Variants in ZSWIM7 observed in about 807,000 individuals in gnomAD.
ZSWIM7 encodes the protein zinc finger SWIM-type containing 7, also known as zinc finger SWIM domain-containing protein 7.
In ZSWIM7, 22 loss-of-function variants were observed where a neutral mutation model predicts 21.1. That is an observed-to-expected ratio of 1.04 (90% CI 0.74 to 1.49). ZSWIM7 has a LOEUF of 1.49. Ranked by LOEUF, ZSWIM7 falls within the 40% of genes most tolerant of loss-of-function variation. The pLI, the probability that ZSWIM7 is intolerant of heterozygous loss-of-function variation, is 0.00. For synonymous variants in ZSWIM7, 67 were observed against 66.5 expected, an observed-to-expected ratio of 1.01 and a Z score of -0.04; for missense variants, 193 against 168.0, an observed-to-expected ratio of 1.15 and a Z score of -0.82.
rs920320464 is a variant in ZSWIM7, at chr17:15,999,618, C to A, written c.-24G>T. The A allele has an allele frequency of 4.5e-6, 7 of 1,566,974 alleles. No homozygotes were observed. The highest frequency in any genetic ancestry group is 5.2e-6 in the Non-Finnish European group (6 of 1,157,512). Reference sequence around the variant, plus strand: ...ATCGCGCCGCAGGACACGCCCTCCACGACCGGCGGACCGCCGCGACGCTCC... The same window carrying A: ...ATCGCGCCGCAGGACACGCCCTCCAAGACCGGCGGACCGCCGCGACGCTCC... On this transcript the variant is annotated 5_prime_UTR_variant, in exon 1 of 5. Coordinates refer to ENST00000399277, the MANE Select transcript of ZSWIM7 (RefSeq NM_001042697.2).
At chr17:15,984,337 C>T (rs1312113037) in intron 3 of ZSWIM7, among the ~76,000 whole-genome samples, 1 of 152,222 alleles carries the variant, frequency 6.6e-6, no homozygotes, top group Non-Finnish European at 1.5e-5. Flanking sequence ...CTTCACCCTT[C>T]AGTGAAAAAA....
intron 3 of ZSWIM7, chr17:15,986,912 G>T (rs1970419006): frequency 1.3e-5 from 2 of 155,148 alleles, no homozygotes. Context: ...CCAAGAAAAA[G>T]ACTGAAGTAC....
Position 15,993,748 on chromosome 17 carries a change from T to C in ZSWIM7, c.98+9A>G. The C allele has an allele frequency of 6.7e-7, 1 of 1,485,808 alleles. No homozygotes were observed. The highest frequency in any genetic ancestry group is 1.1e-5 in the South Asian group (1 of 87,368). The allele number at this position is 1,485,808 out of a possible 1,614,324, so 92.0% of individuals were successfully genotyped here. ...AAAAAAAATCAAATACAACAGTATATGTACTTACGATAACAGATATTCATC... is the reference window on the plus strand; with the variant it reads ...AAAAAAAATCAAATACAACAGTATACGTACTTACGATAACAGATATTCATC... On this transcript the variant is annotated intron_variant, in intron 2 of 4. Coordinates refer to ENST00000399277, the MANE Select transcript of ZSWIM7 (RefSeq NM_001042697.2).
In ZSWIM7 at chr17:15,987,293, T is replaced by C. The variant is rs1483163016; in HGVS notation, c.174A>G (p.Ser58=). Residue 58 remains serine (S), a synonymous_variant, in exon 3 of 5, where the codon TCA becomes TCG. Coordinates refer to ENST00000399277, the MANE Select transcript of ZSWIM7 (RefSeq NM_001042697.2). ...GGTAAACACGCCTTCCACTGGGTGA[T>C]GAGATTAAGGTGATGGACTGTCGAT... ...LVDRQSITLI[S]SPSGRRVYQV... is the part of the protein sequence containing the mutation. The C allele has an allele frequency of 3.9e-6, 6 of 1,530,440 alleles. No homozygotes were observed. Among genetic ancestry groups the C allele is most frequent in the Admixed American group, 1.7e-5 (1 of 58,580 alleles). The allele number at this position is 1,530,440 out of a possible 1,614,324, so 94.8% of individuals were successfully genotyped here.
chr17:15,994,739 T>A (rs180675838), intron 1 of ZSWIM7, among the ~76,000 whole-genome samples: 4 of 152,234 alleles, frequency 2.6e-5, no homozygotes, highest in Admixed American at 2.6e-4. Context: ...ACACAAGCAA[T>A]CAGGCCTTCA....
At chr17:15,994,332 T>C (rs111607136) in intron 1 of ZSWIM7, among the ~76,000 whole-genome samples, 2 of 152,126 alleles carry the variant, frequency 1.3e-5, no homozygotes, top group African/African-American at 4.8e-5. Flanking sequence ...TGGAAGCTGA[T>C]AGAAGAGTGG....
At chr17:15,996,521 G>A (rs1189170217) in intron 1 of ZSWIM7, among the ~76,000 whole-genome samples, 5 of 151,910 alleles carry the variant, frequency 3.3e-5, no homozygotes, top group Non-Finnish European at 7.4e-5. Flanking sequence ...GTGTGATTGC[G>A]CAACTGTACT....
At chr17:15,996,765 C>T (rs1970560120) in intron 1 of ZSWIM7, among the ~76,000 whole-genome samples, 1 of 151,708 alleles carries the variant, frequency 6.6e-6, no homozygotes, top group African/African-American at 2.4e-5. Flanking sequence ...ACAAGAGGAT[C>T]TCTTGAGCCT....
At position 15,977,262 on chromosome 17, in the gene ZSWIM7, A is replaced by ACATCT. The variant is rs1474322317; in HGVS notation, c.*780_*784dup. 1.3e-5 allele frequency: 2 copies of ACATCT among 152,202 alleles called. No homozygotes were observed. The highest frequency in any genetic ancestry group is 4.8e-5 in the African/African-American group (2 of 41,444). The allele number at this position is 152,202 out of a possible 1,614,324, so 9.4% of individuals were successfully genotyped here. ...TTTTCATACCTGCTACTGTTTAGCC[A>ACATCT]CATCTCTGCTCTGATCTTCTGTTGC... On this transcript the variant is annotated 3_prime_UTR_variant, in exon 5 of 5. Transcript: ENST00000399277.
rs188568163 is a variant in ZSWIM7, at chr17:15,977,607, G to A, written c.*440C>T. 2 of 152,950 alleles carry A rather than the reference G, an allele frequency of 1.3e-5. No individual in the cohort carries two copies. Among genetic ancestry groups the A allele is most frequent in the Admixed American group, 1.3e-4 (2 of 15,430 alleles). The allele number at this position is 152,950 out of a possible 1,614,324, so 9.5% of individuals were successfully genotyped here. On this transcript the variant is annotated 3_prime_UTR_variant, in exon 5 of 5. Coordinates refer to ENST00000399277, the MANE Select transcript of ZSWIM7 (RefSeq NM_001042697.2). ...TAGTCCCAGCTACTCGGGAGGCTGA[G>A]GCAGGAGAATGGCGTGAACCCGGGA...
chr17:15,978,602 T>A (rs1254969776), intron 4 of ZSWIM7, among the ~76,000 whole-genome samples: 1 of 151,980 alleles, frequency 6.6e-6, no homozygotes, highest in African/African-American at 2.4e-5. Flanking sequence ...TCTCAAAAAA[T>A]AAATAAATAA....
intron 2 of ZSWIM7, among the ~76,000 whole-genome samples, chr17:15,988,806 G>A (rs1970446914): frequency 6.6e-6 from 1 of 152,028 alleles, no homozygotes. Flanking sequence ...ATCACCAGAG[G>A]TCAGGAGATC....
chr17:15,998,589 T>C (rs1397596154), intron 1 of ZSWIM7, among the ~76,000 whole-genome samples: 1 of 152,140 alleles, frequency 6.6e-6, no homozygotes, highest in African/African-American at 2.4e-5. Context: ...TTTGATCTTA[T>C]CCTAGCATAC....
intron 2 of ZSWIM7, among the ~76,000 whole-genome samples, chr17:15,992,206 C>T (rs974930415): frequency 1.3e-5 from 2 of 151,998 alleles, no homozygotes; most frequent in African/African-American, 4.8e-5. Context: ...GGATTACAGG[C>T]GTGAGCCACC....
intron 1 of ZSWIM7, among the ~76,000 whole-genome samples, chr17:15,996,937 C>A (rs533043230): frequency 4.0e-5 from 6 of 151,548 alleles, no homozygotes; most frequent in Non-Finnish European, 8.8e-5. Context: ...GGCAGGTGGA[C>A]CTCTTGAGCT....
intron 2 of ZSWIM7, among the ~76,000 whole-genome samples, chr17:15,991,931 T>G (rs1273450729): frequency 1.4e-5 from 2 of 146,752 alleles, no homozygotes; most frequent in Non-Finnish European, 3.0e-5. Context: ...TTGTTTTGTT[T>G]TGTTTTTTTT....
rs142710422 is a variant in ZSWIM7, at chr17:15,997,277, C to T, written c.76+2242G>A. Among the ~76,000 whole-genome samples the T allele has an allele frequency of 5.0e-3, 768 of 152,108 alleles. 9 individuals carry two copies. Among genetic ancestry groups the T allele is most frequent in the African/African-American group, 0.017 (722 of 41,488 alleles). ...AATGGTTAAGAGAGATCTCAGCAAA[C>T]AGCCGAGAGATCAGCCAGTCCATAT... On this transcript the variant is annotated intron_variant, in intron 1 of 4. Coordinates refer to ENST00000399277, the MANE Select transcript of ZSWIM7 (RefSeq NM_001042697.2).
intron 3 of ZSWIM7, among the ~76,000 whole-genome samples, chr17:15,984,869 C>T (rs1017401170): frequency 6.6e-6 from 1 of 152,196 alleles, no homozygotes; most frequent in Non-Finnish European, 1.5e-5. Flanking sequence ...AACAGAGCTA[C>T]AGCTGGCTCC....
intron 1 of ZSWIM7, among the ~76,000 whole-genome samples, chr17:15,994,750 C>A (rs967361974): frequency 2.0e-5 from 3 of 152,172 alleles, no homozygotes; most frequent in Non-Finnish European, 4.4e-5. Flanking sequence ...CAGGCCTTCA[C>A]ACTTCAGCCA....
Sources: gnomAD v4.1 joint callset for allele counts (sites outside exome capture counted in the v4.1 genomes callset) on GRCh38, gnomAD v4.1.1 for gene constraint, MANE v1.5 for transcripts, NCBI Gene and HGNC (gene_info 2026-07-23, HGNC 2026-07-21) for gene names.